Variants in GPR39 observed in about 807,000 individuals in gnomAD.
The protein encoded by GPR39 is G protein-coupled receptor 39, also known as zinc sensing receptor.
A neutral mutation model predicts 18.4 loss-of-function variants in GPR39; 23 were observed. The ratio of observed to expected loss-of-function variants is 1.25; its 90% CI spans 0.90 to 1.77. GPR39 has a LOEUF of 1.77. GPR39 is among the 40% of genes most tolerant of loss of function. GPR39 has a pLI of 0.00. For missense variants in GPR39, 647 were observed against 602.4 expected, an observed-to-expected ratio of 1.07 and a Z score of -0.78; for synonymous variants, 280 against 257.9, an observed-to-expected ratio of 1.09 and a Z score of -0.82.
At chr2:132,556,558 G>T (rs1043747511) in intron 1 of GPR39, among the ~76,000 whole-genome samples, 1 of 152,150 alleles carries the variant, frequency 6.6e-6, no homozygotes, top group Non-Finnish European at 1.5e-5. Context: ...CTAGTACCTT[G>T]TGCACCAAAC....
At chr2:132,438,340 C>T (rs1447110112) in intron 1 of GPR39, among the ~76,000 whole-genome samples, 1 of 152,112 alleles carries the variant, frequency 6.6e-6, no homozygotes, top group Non-Finnish European at 1.5e-5. Context: ...TGCTATGTTG[C>T]CCAGGCTGGC....
intron 1 of GPR39, among the ~76,000 whole-genome samples, chr2:132,430,485 G>A (rs959641530): frequency 4.6e-5 from 7 of 152,184 alleles, no homozygotes; most frequent in African/African-American, 1.7e-4. Context: ...TGGAAGTATG[G>A]GAGGTAGCTC....
intron 1 of GPR39, among the ~76,000 whole-genome samples, chr2:132,448,104 G>T (rs1046424102): frequency 2.6e-5 from 4 of 152,188 alleles, no homozygotes; most frequent in Non-Finnish European, 5.9e-5. Flanking sequence ...TTTTGAGGCA[G>T]AAGACTTAAA....
intron 1 of GPR39, among the ~76,000 whole-genome samples, chr2:132,492,598 C>CAT (rs1446907381): frequency 1.8e-5 from 2 of 113,828 alleles, no homozygotes; most frequent in African/African-American, 6.5e-5. Flanking sequence ...ATATATATAC[C>CAT]ATATATACAC....
chr2:132,421,638 C>T lies in GPR39; in HGVS notation c.856+3740C>T, dbSNP rs73955640. Among the ~76,000 whole-genome samples, 521 of 152,194 alleles carry T rather than the reference C, an allele frequency of 3.4e-3. 3 individuals are homozygous for T. Among genetic ancestry groups the T allele is most frequent in the African/African-American group, 0.012 (492 of 41,516 alleles). ...TATTGAATATAGACATTATTCATCA[C>T]GTGTATTTGGATGGAACAAAGGTTA... is the stretch of plus-strand genomic sequence containing the variant. On this transcript the variant is annotated intron_variant, in intron 1 of 1. Transcript: ENST00000329321.
At chr2:132,518,997 A>G (rs542058334) in intron 1 of GPR39, among the ~76,000 whole-genome samples, 2 of 152,310 alleles carry the variant, frequency 1.3e-5, no homozygotes, top group African/African-American at 4.8e-5. Flanking sequence ...ACAAAGCTGC[A>G]TTTCCCTCTT....
chr2:132,440,564 G>A (rs188768323), intron 1 of GPR39, among the ~76,000 whole-genome samples: 3 of 152,254 alleles, frequency 2.0e-5, no homozygotes, highest in Non-Finnish European at 1.5e-5. Context: ...CCAAAAGTGG[G>A]CAAGTAAATA....
At chr2:132,629,827 A>G (rs1434998940) in intron 1 of GPR39, among the ~76,000 whole-genome samples, 1 of 152,206 alleles carries the variant, frequency 6.6e-6, no homozygotes. Context: ...TCTCTGGATG[A>G]TAGCATGGTA....
intron 1 of GPR39, among the ~76,000 whole-genome samples, chr2:132,532,612 C>A (rs1679662375): frequency 6.6e-6 from 1 of 152,140 alleles, no homozygotes; most frequent in African/African-American, 2.4e-5. Context: ...TACTGGCAAA[C>A]CAAATCCAGC....
In GPR39 at chr2:132,621,501, C is replaced by T. The variant is rs545445166; in HGVS notation, c.857-23600C>T. Reference sequence around the variant, plus strand: ...GTTTTCCAATTGATTGGTTCAGAACCTGTTCTACCATCAGCACTGCCAGCT... The same window carrying T: ...GTTTTCCAATTGATTGGTTCAGAACTTGTTCTACCATCAGCACTGCCAGCT... On this transcript the variant is annotated intron_variant, in intron 1 of 1. Coordinates refer to ENST00000329321, the MANE Select transcript of GPR39 (RefSeq NM_001508.3). 2.0e-5 allele frequency among the ~76,000 whole-genome samples: 3 copies of T among 152,330 alleles called. No individual in the cohort carries two copies. The East Asian group carries it at 5.8e-4, about 29-fold the overall frequency.
At chr2:132,512,229 G>T (rs1035119128) in intron 1 of GPR39, among the ~76,000 whole-genome samples, 4 of 152,148 alleles carry the variant, frequency 2.6e-5, no homozygotes, top group Admixed American at 6.5e-5. Flanking sequence ...AACCTAAGGC[G>T]TATGGATTAT....
chr2:132,463,978 A>G (rs1372781631), intron 1 of GPR39, among the ~76,000 whole-genome samples: 1 of 152,192 alleles, frequency 6.6e-6, no homozygotes. Context: ...CAGCATTCCA[A>G]GATGATGAAG....
chr2:132,432,328 C>G lies in GPR39; in HGVS notation c.856+14430C>G, dbSNP rs187565981. Among the ~76,000 whole-genome samples, 172 of 152,278 alleles carry G rather than the reference C, an allele frequency of 1.1e-3. 2 individuals carry two copies. The highest frequency in any genetic ancestry group is 3.9e-3 in the African/African-American group (162 of 41,568). Reference sequence around the variant, plus strand: ...CTCTCTGGGACCTCATTTATAAGGACACAAACCCCATGAGGGATGTACTAT... The same window carrying G: ...CTCTCTGGGACCTCATTTATAAGGAGACAAACCCCATGAGGGATGTACTAT... On this transcript the variant is annotated intron_variant, in intron 1 of 1. Coordinates refer to ENST00000329321, the MANE Select transcript of GPR39 (RefSeq NM_001508.3).
At position 132,554,788 on chromosome 2, in the gene GPR39, G is replaced by A. The variant is rs557827582; in HGVS notation, c.857-90313G>A. On this transcript the variant is annotated intron_variant, in intron 1 of 1. Coordinates refer to ENST00000329321, the MANE Select transcript of GPR39 (RefSeq NM_001508.3). ...ACAAGCATTTTCTCCCCCTAGATAT[G>A]CGCTATCTCTTAAATCAACAATAAG... Among the ~76,000 whole-genome samples the A allele has an allele frequency of 2.0e-5, 3 of 152,258 alleles. No individual in the cohort carries two copies. In the South Asian group the frequency reaches 6.2e-4, roughly 32 times the overall value.
intron 1 of GPR39, among the ~76,000 whole-genome samples, chr2:132,618,630 G>C (rs375469412): frequency 6.6e-6 from 1 of 152,146 alleles, no homozygotes; most frequent in Non-Finnish European, 1.5e-5. Context: ...GGCTGGGCTC[G>C]GTGGTGCTTT....
At chr2:132,592,873 C>T (rs1680871149) in intron 1 of GPR39, among the ~76,000 whole-genome samples, 1 of 152,046 alleles carries the variant, frequency 6.6e-6, no homozygotes, top group Non-Finnish European at 1.5e-5. Context: ...GGAGTTAGTC[C>T]TCTATAAGAC....
chr2:132,530,088 G>T (rs193033915), intron 1 of GPR39, among the ~76,000 whole-genome samples: 44 of 151,894 alleles, frequency 2.9e-4, no homozygotes, highest in African/African-American at 1.1e-3. Flanking sequence ...CAATGGCAAA[G>T]AAGTTAAAAA....
intron 1 of GPR39, among the ~76,000 whole-genome samples, chr2:132,576,326 A>T (rs371541417): frequency 6.6e-6 from 1 of 152,124 alleles, no homozygotes; most frequent in Non-Finnish European, 1.5e-5. Context: ...AGTGCGGTTT[A>T]TCAGTTCTTT....
rs1403343298 is a variant in GPR39 at position 132,646,211 on chromosome 2, A to G, written c.*605A>G. 6.2e-7 allele frequency: 1 copy of G among 1,605,760 alleles called. No individual in the cohort carries two copies. Among genetic ancestry groups the G allele is most frequent in the East Asian group, 2.2e-5 (1 of 44,534 alleles). ...TGAGTTCAGTTTCCCTGGGGAGCAG[A>G]AGGACTGGTACCCGGCAGAGGCGAT... On this transcript the variant is annotated 3_prime_UTR_variant, in exon 2 of 2. Coordinates refer to ENST00000329321, the MANE Select transcript of GPR39 (RefSeq NM_001508.3).
Sources: gnomAD v4.1 joint callset for allele counts (sites outside exome capture counted in the v4.1 genomes callset) on GRCh38, gnomAD v4.1.1 for gene constraint, MANE v1.5 for transcripts, NCBI Gene and HGNC (gene_info 2026-07-23, HGNC 2026-07-21) for gene names.